The following SLC4A5 variants were observed in gnomAD, a reference collection of about 807,000 sequenced individuals.
The protein encoded by SLC4A5 is electrogenic sodium bicarbonate cotransporter 4.
Under a neutral mutation model 120.4 loss-of-function variants are expected in SLC4A5, and 96 were observed. That is an observed-to-expected ratio of 0.80 (90% confidence interval 0.68 to 0.94). SLC4A5 has a LOEUF of 0.94. SLC4A5 is among the 40% of genes least tolerant of loss of function. The probability of loss-of-function intolerance (pLI) is 0.00; values close to 1 mark genes in which losing one functional copy is unlikely to be tolerated. For synonymous variants in SLC4A5, 550 were observed against 571.1 expected (o/e 0.96, Z 0.53); for missense variants, 1,259 against 1,459.5 (o/e 0.86, Z 2.24).
At chr2:74,275,315 C>G (rs1206257795) in intron 8 of SLC4A5, among the ~76,000 whole-genome samples, 1 of 152,226 alleles carries the variant, frequency 6.6e-6, no homozygotes, top group Non-Finnish European at 1.5e-5. Flanking sequence ...GGAGAGCCCA[C>G]AGCTAAGTGA....
chr2:74,252,108 T>C (rs1670809296), intron 16 of SLC4A5, 71 bp downstream of exon 16: 2 of 1,524,510 alleles, frequency 1.3e-6, no homozygotes, highest in Admixed American at 1.7e-5. Flanking sequence ...TTGGGAAAAG[T>C]CCCTAGAGGG....
chr2:74,262,385 T>G (rs1180660460), intron 10 of SLC4A5, among the ~76,000 whole-genome samples, 153 bp from the exon 11 acceptor site: 1 of 149,536 alleles, frequency 6.7e-6, no homozygotes, highest in Non-Finnish European at 1.5e-5. Flanking sequence ...TTTTTTTTAA[T>G]TTAAGCAAGT....
intron 8 of SLC4A5, among the ~76,000 whole-genome samples, chr2:74,267,026 C>T (rs1405555422): frequency 1.3e-5 from 2 of 152,026 alleles, no homozygotes. Flanking sequence ...GTAAACAATC[C>T]TGAGAAGAAA....
At chr2:74,314,863 T>C (rs185125589) in intron 6 of SLC4A5, 82 bp downstream of exon 6, 2 of 1,295,162 alleles carry the variant, frequency 1.5e-6, no homozygotes, top group Non-Finnish European at 2.2e-6. Context: ...TAGACTCTCC[T>C]GCTGAAAGAG....
intron 29 of SLC4A5, 59 bp downstream of exon 29, chr2:74,222,809 A>C (rs1432366363): frequency 1.4e-6 from 2 of 1,434,296 alleles, no homozygotes; most frequent in East Asian, 4.6e-5. Context: ...GAAAGTTCCT[A>C]GGGGAAAGAC....
intron 7 of SLC4A5, among the ~76,000 whole-genome samples, chr2:74,296,742 G>A (rs1046490750): frequency 2.7e-5 from 4 of 146,844 alleles, no homozygotes; most frequent in South Asian, 2.1e-4. Flanking sequence ...AGCCGAGATC[G>A]TGCCACTGCC....
intron 17 of SLC4A5, among the ~76,000 whole-genome samples, chr2:74,249,739 G>A (rs978033026): frequency 2.7e-4 from 41 of 152,172 alleles, no homozygotes; most frequent in Non-Finnish European, 5.4e-4. Flanking sequence ...GGGCAGCCAT[G>A]GGGAATCCTG....
intron 16 of SLC4A5, among the ~76,000 whole-genome samples, chr2:74,251,266 G>A (rs980398874): frequency 1.3e-5 from 2 of 151,992 alleles, no homozygotes; most frequent in Non-Finnish European, 2.9e-5. Flanking sequence ...CTCGGGGGTA[G>A]GGGGACTAAG....
chr2:74,262,224 G>T lies in SLC4A5; in HGVS notation c.724C>A (p.Pro242Thr), dbSNP rs575121501. 1.1e-5 allele frequency: 17 copies of T among 1,613,596 alleles called. No homozygotes were observed. In the South Asian group the frequency reaches 1.5e-4, roughly 15 times the overall value. ...GGGCCAGCACCAGGGCTCCGGGCAG[G>T]ACTGCGATCTGGGAGGAGAATCAGA... The change falls in exon 11 of 31, where the codon CCT becomes ACT. Residue 242 changes from proline (P) to threonine (T), a missense_variant. Pro to Thr is a conservative substitution (Grantham distance 38). Transcript: ENST00000394019.
chr2:74,324,080 ATAATT>A lies in SLC4A5; in HGVS notation c.-3+4035_-3+4039del, dbSNP rs72232331. 6.8e-3 allele frequency among the ~76,000 whole-genome samples: 1,035 copies of A among 152,338 alleles called. 8 individuals carry two copies. Among genetic ancestry groups the A allele is most frequent in the South Asian group, 0.01 (50 of 4,824 alleles). ...TTTTATTTTAAACGTTTTAAAGTAA[ATAATT>A]TAATATGCCATGTGTTCCTACTTTA... is the stretch of plus-strand genomic sequence containing the variant. On this transcript the variant is annotated intron_variant, in intron 5 of 30. Coordinates refer to ENST00000394019, the Ensembl canonical transcript of SLC4A5.
intron 8 of SLC4A5, among the ~76,000 whole-genome samples, chr2:74,277,827 G>A (rs966042766): frequency 6.6e-6 from 1 of 152,018 alleles, no homozygotes; most frequent in Admixed American, 6.6e-5. Flanking sequence ...ACGGCATTGT[G>A]TTTACAATGA....
intron 5 of SLC4A5, among the ~76,000 whole-genome samples, chr2:74,317,711 G>A (rs1673001507): frequency 6.6e-6 from 1 of 152,230 alleles, no homozygotes; most frequent in Admixed American, 6.5e-5. Context: ...TAGCCCCTCA[G>A]CCCTTTGCCT....
chr2:74,253,067 T>G, exon 15 of SLC4A5: 1 of 1,614,182 alleles, frequency 6.2e-7, no homozygotes. Flanking sequence ...ATCCAGAAAT[T>G]CATCAATTCC....
At chr2:74,232,380 CA>C (rs1670118680) in intron 24 of SLC4A5, 88 bp downstream of exon 24, 2 of 1,498,188 alleles carry the variant, frequency 1.3e-6, no homozygotes, top group Non-Finnish European at 1.8e-6. Flanking sequence ...CCTTTTTGTC[CA>C]AATCCTTTTG....
intron 4 of SLC4A5, among the ~76,000 whole-genome samples, chr2:74,330,194 T>C (rs188057313): frequency 3.4e-5 from 5 of 148,078 alleles, no homozygotes; most frequent in South Asian, 2.2e-4. Context: ...GTGTGTGATA[T>C]AGGTGTAGGT....
At chr2:74,296,786 C>CAAAA (rs11374814) in intron 7 of SLC4A5, among the ~76,000 whole-genome samples, 1 of 73,024 alleles carries the variant, frequency 1.4e-5, no homozygotes, top group Non-Finnish European at 3.0e-5. Context: ...GACTCTGTCT[C>CAAAA]AAAAAAAAAA....
rs1573027874 is a variant in SLC4A5, at chr2:74,252,177, A to C, written c.1478+2T>G. The C allele has an allele frequency of 6.2e-7, 1 of 1,612,082 alleles. No individual in the cohort carries two copies. The highest frequency in any genetic ancestry group is 8.5e-7 in the Non-Finnish European group (1 of 1,179,472). On this transcript the variant is annotated splice_donor_variant, in intron 16 of 30. Transcript: ENST00000394019. LOFTEE classifies it high-confidence loss of function. ...GGTCACTGGGAGGCCTGGGGTGGGC[A>C]CCTTCCTGTCCAGATAAGTTCCTCC...
chr2:74,336,933 G>C (rs1159315348), intron 3 of SLC4A5, among the ~76,000 whole-genome samples: 1 of 152,160 alleles, frequency 6.6e-6, no homozygotes, highest in African/African-American at 2.4e-5. Flanking sequence ...AAGAGGTAAG[G>C]AGCCTCTTTC....
rs1462605308 is a variant in SLC4A5 at position 74,247,155 on chromosome 2, A to G, written c.1940T>C (p.Ile647Thr). 3.7e-6 allele frequency: 6 copies of G among 1,614,226 alleles called. No individual in the cohort carries two copies. In the East Asian group the frequency reaches 1.3e-4, roughly 36 times the overall value. Residue 647 changes from isoleucine (I) to threonine (T), a missense_variant, in exon 19 of 31, where the codon ATC becomes ACC. Ile to Thr is a moderately conservative substitution (Grantham distance 89, BLOSUM62 -1). Coordinates refer to ENST00000394019, the Ensembl canonical transcript of SLC4A5. ...CTTCTTGATGGCATCGTAGATGAAG[A>G]TGAAGCTGATAAGGGTGGAGAAGCC...
Sources: allele counts gnomAD v4.1 joint callset (sites outside exome capture counted in the v4.1 genomes callset), GRCh38; gene constraint gnomAD v4.1.1; transcripts MANE v1.5; gene names NCBI Gene and HGNC (gene_info 2026-07-23, HGNC 2026-07-21).